VPS33B: variants seen among roughly 807,000 people sequenced by gnomAD.
VPS33B encodes vacuolar protein sorting-associated protein 33B.
Under a neutral mutation model 95.3 loss-of-function variants are expected in VPS33B, and 80 were observed. The observed-to-expected ratio is 0.84, with a 90% CI of 0.70 to 1.01. The LOEUF (loss-of-function observed/expected upper bound fraction) is 1.01. VPS33B is among the 50% of genes least tolerant of loss of function. VPS33B has a pLI of 0.00. For missense variants in VPS33B, 715 were observed against 773.4 expected (o/e 0.92, Z 0.90); for synonymous variants, 280 against 280.4 (o/e 1.00, Z 0.01).
At position 91,009,323 on chromosome 15, in the gene VPS33B, T is replaced by C. The variant is rs2040710808; in HGVS notation, c.403+478A>G. 6.6e-6 allele frequency among the ~76,000 whole-genome samples: 1 copy of C among 151,952 alleles called. No homozygotes were observed. The highest frequency in any genetic ancestry group is 1.5e-5 in the Non-Finnish European group (1 of 68,014). ...CTCTCTTTCTTTCTTCCTTCCTTCC[T>C]TTCTCTGAGTCTCACTCTTGTTGCC... On this transcript the variant is annotated intron_variant, in intron 6 of 22. Coordinates refer to ENST00000333371, the MANE Select transcript of VPS33B (RefSeq NM_018668.5). This position sits in a 1 kb window ranked among gnomAD's most constrained non-coding sequence, Gnocchi z 4.1.
At chr15:91,022,084 G>C in intron 1 of VPS33B, 70 bp downstream of exon 1, 1 of 1,511,080 alleles carries the variant, frequency 6.6e-7, no homozygotes, top group Non-Finnish European at 9.0e-7. Context: ...AAGGGGCACG[G>C]CAAGGAAGAA....
Position 91,010,722 on chromosome 15 carries a change from A to T in VPS33B, c.358-876T>A, listed in dbSNP as rs2151675786. On this transcript the variant is annotated intron_variant, in intron 5 of 22. Transcript: ENST00000333371. This position sits in a 1 kb window ranked among gnomAD's most constrained non-coding sequence, Gnocchi z 5.7. Reference sequence around the variant, plus strand: ...CAGAGTACAGGACCTGGCAGGGAAGACTGAGAAAGAATACTCAGAGAAGCA... The same window carrying T: ...CAGAGTACAGGACCTGGCAGGGAAGTCTGAGAAAGAATACTCAGAGAAGCA... 6.6e-6 allele frequency among the ~76,000 whole-genome samples: 1 copy of T among 152,332 alleles called. No individual in the cohort carries two copies. Among genetic ancestry groups the T allele is most frequent in the South Asian group, 2.1e-4 (1 of 4,824 alleles).
At chr15:91,003,800 G>C (rs1000845970) in intron 16 of VPS33B, among the ~76,000 whole-genome samples, 1 of 152,212 alleles carries the variant, frequency 6.6e-6, no homozygotes, top group African/African-American at 2.4e-5. Flanking sequence ...CAACTATTGA[G>C]AAATAGGAAA....
rs753692251 is a variant in VPS33B, at chr15:90,999,101, C to A, written c.1775-47G>T. 6.3e-7 allele frequency: 1 copy of A among 1,590,196 alleles called. No homozygotes were observed. The highest frequency in any genetic ancestry group is 1.7e-5 in the Admixed American group (1 of 58,864). ...CAGAAGAGACAGCACAGATCTTAGGCCCCAACGGCAACCCATAGAGCCTCT... is the reference window on the plus strand; with the variant it reads ...CAGAAGAGACAGCACAGATCTTAGGACCCAACGGCAACCCATAGAGCCTCT... On this transcript the variant is annotated intron_variant, in intron 22 of 22. Transcript: ENST00000333371. The surrounding 1 kb of genome is among the most constrained non-coding windows in gnomAD (Gnocchi z 5.1).
At chr15:91,008,079 A>G (rs566915157) in intron 6 of VPS33B, 115 bp from the exon 7 acceptor site, 1 of 904,070 alleles carries the variant, frequency 1.1e-6, no homozygotes, top group African/African-American at 1.6e-5. Context: ...TGCCTGCCAC[A>G]TGCCAGTACT....
chr15:91,019,463 T>C (rs1166162870), intron 1 of VPS33B, among the ~76,000 whole-genome samples: 1 of 152,134 alleles, frequency 6.6e-6, no homozygotes, highest in Non-Finnish European at 1.5e-5. Flanking sequence ...AAACTCAAAA[T>C]GGTCAACAGA....
chr15:91,018,012 C>T lies in VPS33B; in HGVS notation c.97-127G>A, dbSNP rs1596371420. On this transcript the variant is annotated intron_variant, in intron 1 of 22. Coordinates refer to ENST00000333371, the MANE Select transcript of VPS33B (RefSeq NM_018668.5). The surrounding 1 kb of genome is among the most constrained non-coding windows in gnomAD (Gnocchi z 4.7). Reference sequence around the variant, plus strand: ...GGAGGGCACTAAGTATCGTCTAGCCCGTCACCTTATTTATTATCTGTATCC... The same window carrying T: ...GGAGGGCACTAAGTATCGTCTAGCCTGTCACCTTATTTATTATCTGTATCC... 1.6e-5 allele frequency: 13 copies of T among 804,974 alleles called. No individual in the cohort carries two copies. The highest frequency in any genetic ancestry group is 2.4e-5 in the Non-Finnish European group (11 of 466,446). The allele number at this position is 804,974 out of a possible 1,614,324, so 49.9% of individuals were successfully genotyped here.
intron 3 of VPS33B, among the ~76,000 whole-genome samples, chr15:91,016,181 C>G (rs957493577): frequency 3.3e-5 from 5 of 151,712 alleles, no homozygotes; most frequent in South Asian, 2.1e-4. Flanking sequence ...TCAGGCAGAG[C>G]GAATGGAGTG....
chr15:91,000,808 A>C lies in VPS33B; in HGVS notation c.1480-217T>G. ...GAGTTCCCATGCGCCATTATTGAAT[A>C]ATGTAAAGGGGCTGGAGGGATGGCT... is the stretch of plus-strand genomic sequence containing the variant. On this transcript the variant is annotated intron_variant, in intron 19 of 22. Coordinates refer to ENST00000333371, the MANE Select transcript of VPS33B (RefSeq NM_018668.5). The surrounding 1 kb of genome is among the most constrained non-coding windows in gnomAD (Gnocchi z 4.9). 1 of 525,806 alleles carries C rather than the reference A, an allele frequency of 1.9e-6. No homozygotes were observed. Among genetic ancestry groups the C allele is most frequent in the Non-Finnish European group, 3.5e-6 (1 of 286,408 alleles). 32.6% of individuals were successfully genotyped at this position (525,806 alleles called of 1,614,324 possible). A position where few individuals can be genotyped will look rare whatever the true frequency, so the allele number is the denominator to read the frequency against.
rs1567218542 is a variant in VPS33B, at chr15:91,000,682, A to G, written c.1480-91T>C. Reference sequence around the variant, plus strand: ...ATAAAGTGGCATGGCCCAAGGAACAATTCTTATTTCAACTAAAGGGAGAAC... The same window carrying G: ...ATAAAGTGGCATGGCCCAAGGAACAGTTCTTATTTCAACTAAAGGGAGAAC... On this transcript the variant is annotated intron_variant, in intron 19 of 22. Coordinates refer to ENST00000333371, the MANE Select transcript of VPS33B (RefSeq NM_018668.5). The surrounding 1 kb of genome is among the most constrained non-coding windows in gnomAD (Gnocchi z 4.9). 6 of 1,123,500 alleles carry G rather than the reference A, an allele frequency of 5.3e-6. No individual in the cohort carries two copies. In the East Asian group the frequency reaches 1.0e-4, roughly 19 times the overall value. The allele number at this position is 1,123,500 out of a possible 1,614,324, so 69.6% of individuals were successfully genotyped here. A position where few individuals can be genotyped will look rare whatever the true frequency, so the allele number is the denominator to read the frequency against.
rs780709144 is a variant in VPS33B at position 90,999,001 on chromosome 15, C to A, written c.1828G>T (p.Glu610Ter). 1 of 1,614,172 alleles carries A rather than the reference C, an allele frequency of 6.2e-7. No individual in the cohort carries two copies. The change falls in exon 23 of 23, where the codon GAG becomes TAG. Residue 610 changes from glutamate (E) to a stop codon, truncating the protein, a stop_gained. Transcript: ENST00000333371. LOFTEE classifies it high-confidence loss of function. The surrounding 1 kb of genome is among the most constrained non-coding windows in gnomAD (Gnocchi z 5.1). ...TAVTNSARLM[E>*]AMSEVKA ...CAGGCTTTCACCTCACTCATGGCCT[C>A]CATAAGGCGAGCGCTGTTTGTGACT... is the stretch of plus-strand genomic sequence containing the variant.
chr15:91,014,219 C>CAAAAAA (rs61232231), intron 4 of VPS33B, among the ~76,000 whole-genome samples, 165 bp downstream of exon 4: 4 of 59,596 alleles, frequency 6.7e-5, no homozygotes, highest in African/African-American at 1.1e-4. Flanking sequence ...AACTCCGTCT[C>CAAAAAA]AAAAAAAAAA....
chr15:91,011,879 C>T lies in VPS33B; in HGVS notation c.357+1925G>A, dbSNP rs1435824838. On this transcript the variant is annotated intron_variant, in intron 5 of 22. Transcript: ENST00000333371. This position sits in a 1 kb window ranked among gnomAD's most constrained non-coding sequence, Gnocchi z 5.5. Reference sequence around the variant, plus strand: ...TGGTGCACATCTGTAGTCCCAGCTACTCGGGAAGCTGAGGCAGGAGAATTG... The same window carrying T: ...TGGTGCACATCTGTAGTCCCAGCTATTCGGGAAGCTGAGGCAGGAGAATTG... 6.6e-6 allele frequency among the ~76,000 whole-genome samples: 1 copy of T among 152,036 alleles called. No individual in the cohort carries two copies. The highest frequency in any genetic ancestry group is 1.5e-5 in the Non-Finnish European group (1 of 68,026).
intron 16 of VPS33B, among the ~76,000 whole-genome samples, chr15:91,004,635 C>T (rs1250317092): frequency 6.6e-6 from 1 of 152,120 alleles, no homozygotes; most frequent in Non-Finnish European, 1.5e-5. Flanking sequence ...GCTCTGCACC[C>T]CTGCAGTCCT....
chr15:91,020,169 G>A (rs1054243016), intron 1 of VPS33B, among the ~76,000 whole-genome samples: 1 of 152,104 alleles, frequency 6.6e-6, no homozygotes, highest in Non-Finnish European at 1.5e-5. Flanking sequence ...TTATGGTAGG[G>A]CTATAAGTAG....
chr15:91,012,271 G>A (rs1349786443), intron 5 of VPS33B, among the ~76,000 whole-genome samples: 1 of 152,098 alleles, frequency 6.6e-6, no homozygotes, highest in Non-Finnish European at 1.5e-5. Flanking sequence ...CAATGTTCAG[G>A]TGACATTCAA....
chr15:91,007,705 C>A lies in VPS33B; in HGVS notation c.499-132G>T. On this transcript the variant is annotated intron_variant, in intron 7 of 22. Coordinates refer to ENST00000333371, the MANE Select transcript of VPS33B (RefSeq NM_018668.5). The surrounding 1 kb of genome is among the most constrained non-coding windows in gnomAD (Gnocchi z 5.3). ...GCTTGAAAGGTTTTCATTGGCTCCA[C>A]AGGAAGTCCCACAGAGACCAATCTG... 8.4e-7 allele frequency: 1 copy of A among 1,189,282 alleles called. No homozygotes were observed. The highest frequency in any genetic ancestry group is 1.3e-6 in the Non-Finnish European group (1 of 799,808). The allele number at this position is 1,189,282 out of a possible 1,614,324, so 73.7% of individuals were successfully genotyped here.
At chr15:91,014,523 G>T in intron 3 of VPS33B, 90 bp from the exon 4 acceptor site, 1 of 1,459,918 alleles carries the variant, frequency 6.8e-7, no homozygotes, top group Non-Finnish European at 9.5e-7. Flanking sequence ...CAACTCTTTT[G>T]CCATTTGCCC....
chr15:91,021,074 C>A (rs2041088244), intron 1 of VPS33B, among the ~76,000 whole-genome samples: 1 of 152,136 alleles, frequency 6.6e-6, no homozygotes, highest in Non-Finnish European at 1.5e-5. Context: ...CAACTTCCCC[C>A]ATCAAACCTG....
Sources: allele counts gnomAD v4.1 joint callset (sites outside exome capture counted in the v4.1 genomes callset), GRCh38; gene constraint gnomAD v4.1.1; non-coding constraint Gnocchi (gnomAD v3.1); transcripts MANE v1.5; gene names NCBI Gene and HGNC (gene_info 2026-07-23, HGNC 2026-07-21).